DTNA: variants seen among roughly 807,000 people sequenced by gnomAD.
DTNA encodes the protein dystrophin-related protein 3.
A neutral mutation model predicts 100.7 loss-of-function variants in DTNA; 43 were observed. The ratio of observed to expected loss-of-function variants is 0.43; its 90% CI spans 0.33 to 0.55. DTNA has a LOEUF of 0.55. Ranked by LOEUF, DTNA falls within the 20% of genes least tolerant of loss-of-function variation. The pLI, the probability that DTNA is intolerant of heterozygous loss-of-function variation, is 0.04. For synonymous variants in DTNA, 349 were observed against 347.9 expected (o/e 1.00, Z -0.04); for missense variants, 798 against 953.9 (o/e 0.84, Z 2.15).
At chr18:34,555,568 G>A (rs1039051995) in intron 1 of DTNA, among the ~76,000 whole-genome samples, 9 of 151,954 alleles carry the variant, frequency 5.9e-5, no homozygotes, top group Non-Finnish European at 1.2e-4. Flanking sequence ...AGATTCTAGT[G>A]TGTTGTGTCT....
intron 17 of DTNA, among the ~76,000 whole-genome samples, chr18:34,872,160 G>T (rs898081106): frequency 2.6e-5 from 4 of 152,186 alleles, no homozygotes; most frequent in African/African-American, 9.6e-5. Context: ...AGTAGCAAAA[G>T]TTGCCTTTGA....
intron 18 of DTNA, among the ~76,000 whole-genome samples, chr18:34,877,428 A>G (rs1197902839): frequency 6.6e-6 from 1 of 152,224 alleles, no homozygotes; most frequent in Non-Finnish European, 1.5e-5. Context: ...CAGGTCAGCC[A>G]GCCTTATTCA....
At chr18:34,631,514 A>G (rs1184074391) in intron 1 of DTNA, among the ~76,000 whole-genome samples, 1 of 152,232 alleles carries the variant, frequency 6.6e-6, no homozygotes, top group Non-Finnish European at 1.5e-5. Context: ...TGAGAGTCCA[A>G]GTATTTAATG....
chr18:34,589,275 A>C (rs952269829), intron 1 of DTNA, among the ~76,000 whole-genome samples: 1 of 152,200 alleles, frequency 6.6e-6, no homozygotes, highest in East Asian at 1.9e-4. Flanking sequence ...ACTACAGTTA[A>C]ACAAATTAAT....
At chr18:34,545,224 G>A (rs1601687490) in intron 1 of DTNA, among the ~76,000 whole-genome samples, 1 of 152,068 alleles carries the variant, frequency 6.6e-6, no homozygotes, top group Non-Finnish European at 1.5e-5. Context: ...TGGTAGTGAC[G>A]TGAGATGCCC....
At chr18:34,676,820 G>A (rs1473705305) in intron 1 of DTNA, among the ~76,000 whole-genome samples, 1 of 152,174 alleles carries the variant, frequency 6.6e-6, no homozygotes, top group Non-Finnish European at 1.5e-5. Context: ...GGGTGAGAGA[G>A]CAAGACCTTG....
At chr18:34,548,390 C>T (rs558286783) in intron 1 of DTNA, among the ~76,000 whole-genome samples, 1 of 152,176 alleles carries the variant, frequency 6.6e-6, no homozygotes, top group East Asian at 1.9e-4. Flanking sequence ...AGATTGACAG[C>T]TCTATCTCTT....
intron 3 of DTNA, among the ~76,000 whole-genome samples, chr18:34,773,919 T>C (rs2093913140): frequency 6.6e-6 from 1 of 152,208 alleles, no homozygotes; most frequent in Non-Finnish European, 1.5e-5. Flanking sequence ...TTAGTAGACT[T>C]TTGTTTTAGA....
chr18:34,803,878 A>G (rs943238261), intron 4 of DTNA, among the ~76,000 whole-genome samples: 2 of 152,330 alleles, frequency 1.3e-5, no homozygotes, highest in African/African-American at 4.8e-5. Context: ...TATAATGATT[A>G]CTAATCATTT....
intron 1 of DTNA, among the ~76,000 whole-genome samples, chr18:34,498,764 C>T (rs895816170): frequency 5.3e-5 from 8 of 152,234 alleles, no homozygotes; most frequent in Admixed American, 2.0e-4. Context: ...TTTCTTGTCA[C>T]ATACCCCAAA....
At chr18:34,831,002 G>C (rs923342602) in intron 11 of DTNA, among the ~76,000 whole-genome samples, 7 of 152,118 alleles carry the variant, frequency 4.6e-5, no homozygotes, top group Non-Finnish European at 7.3e-5. Flanking sequence ...ACAAAGCCAG[G>C]TCCCAAAGGC....
At chr18:34,721,068 G>A (rs2085208957) in intron 1 of DTNA, among the ~76,000 whole-genome samples, 1 of 152,122 alleles carries the variant, frequency 6.6e-6, no homozygotes. Context: ...ATCCTAGGAG[G>A]TTGATGACAC....
intron 14 of DTNA, among the ~76,000 whole-genome samples, chr18:34,848,762 A>C (rs923052083): frequency 6.6e-6 from 1 of 152,218 alleles, no homozygotes; most frequent in Non-Finnish European, 1.5e-5. Context: ...AGTGACACTT[A>C]AAATATACCA....
At chr18:34,508,658 A>G (rs1281304186) in intron 1 of DTNA, among the ~76,000 whole-genome samples, 1 of 152,188 alleles carries the variant, frequency 6.6e-6, no homozygotes, top group Non-Finnish European at 1.5e-5. Context: ...ATTCAGTTTC[A>G]TTGTATTTTA....
chr18:34,601,912 A>C (rs1018112578), intron 1 of DTNA, among the ~76,000 whole-genome samples: 3 of 152,210 alleles, frequency 2.0e-5, no homozygotes, highest in African/African-American at 7.2e-5. Context: ...GTAAATGTGA[A>C]ATCTTAATGC....
chr18:34,494,667 G>A (rs544472559), intron 1 of DTNA, among the ~76,000 whole-genome samples: 1 of 152,198 alleles, frequency 6.6e-6, no homozygotes, highest in African/African-American at 2.4e-5. Context: ...AGGGGCGCAG[G>A]GGGAGGGGGC....
chr18:34,850,436 C>T (rs138532349), intron 14 of DTNA, among the ~76,000 whole-genome samples: 2 of 152,276 alleles, frequency 1.3e-5, no homozygotes, highest in East Asian at 1.9e-4. Flanking sequence ...TGTAGGACCT[C>T]AAAATTTCTT....
chr18:34,515,795 C>G (rs966195105), intron 1 of DTNA, among the ~76,000 whole-genome samples: 2 of 152,056 alleles, frequency 1.3e-5, no homozygotes, highest in African/African-American at 4.8e-5. Context: ...TAACCAGGTC[C>G]CAGTGATATT....
At chr18:34,521,620 C>T (rs2042157735) in intron 1 of DTNA, among the ~76,000 whole-genome samples, 1 of 152,116 alleles carries the variant, frequency 6.6e-6, no homozygotes, top group Non-Finnish European at 1.5e-5. Context: ...CCCTCTGCTT[C>T]ACTGCTGTTC....
Sources: gnomAD v4.1 joint callset for allele counts (sites outside exome capture counted in the v4.1 genomes callset) on GRCh38, gnomAD v4.1.1 for gene constraint, MANE v1.5 for transcripts, NCBI Gene and HGNC (gene_info 2026-07-23, HGNC 2026-07-21) for gene names.